The following VHL variants were observed in gnomAD, a reference collection of about 807,000 sequenced individuals.
The protein encoded by VHL is von Hippel-Lindau disease tumor suppressor.
A neutral mutation model predicts 19.2 loss-of-function variants in VHL; 10 were observed. The observed-to-expected ratio is 0.52, with a 90% CI of 0.32 to 0.89. The LOEUF (loss-of-function observed/expected upper bound fraction) is 0.89. Ranked by LOEUF, VHL falls within the 40% of genes least tolerant of loss-of-function variation. The pLI, the probability that VHL is intolerant of heterozygous loss-of-function variation, is 0.03. For synonymous variants in VHL, 167 were observed against 129.5 expected, an observed-to-expected ratio of 1.29 and a Z score of -1.97; for missense variants, 328 against 292.7, an observed-to-expected ratio of 1.12 and a Z score of -0.88.
In VHL at chr3:10,146,378, G is replaced by A. The variant is rs562001515; in HGVS notation, c.341-136G>A. 3.3e-5 allele frequency: 40 copies of A among 1,209,376 alleles called. No individual in the cohort carries two copies. The African/African-American group carries it at 3.6e-4, about 11-fold the overall frequency. 74.9% of individuals were successfully genotyped at this position (1,209,376 alleles called of 1,614,324 possible). A position where few individuals can be genotyped will look rare whatever the true frequency, so the allele number is the denominator to read the frequency against. On this transcript the variant is annotated intron_variant, in intron 1 of 2. Coordinates refer to ENST00000256474, the MANE Select transcript of VHL (RefSeq NM_000551.4). ...TTTAGTAGAGACGAGGTTTCACCAC[G>A]TTAGCCAGGACGGTCTTGATCTCCT...
Position 10,150,459 on chromosome 3 carries a change from C to A in VHL, c.*494C>A. 2.7e-6 allele frequency: 2 copies of A among 746,972 alleles called. No homozygotes were observed. The highest frequency in any genetic ancestry group is 3.6e-6 in the Non-Finnish European group (2 of 563,054). The allele number at this position is 746,972 out of a possible 1,614,324, so 46.3% of individuals were successfully genotyped here. A position where few individuals can be genotyped will look rare whatever the true frequency, so the allele number is the denominator to read the frequency against. On this transcript the variant is annotated 3_prime_UTR_variant, in exon 3 of 3. Transcript: ENST00000256474. Reference sequence around the variant, plus strand: ...CTTTGAGACCCCAGTGCCTGCACATCATGAGCCTTCAGTCAGGGTTTGTCA... The same window carrying A: ...CTTTGAGACCCCAGTGCCTGCACATAATGAGCCTTCAGTCAGGGTTTGTCA...
At chr3:10,145,927 G>C (rs536626854) in intron 1 of VHL, among the ~76,000 whole-genome samples, 32 of 152,132 alleles carry the variant, frequency 2.1e-4, no homozygotes, top group African/African-American at 7.5e-4. Flanking sequence ...TTTCCACCAT[G>C]GTAGCAGAAA....
chr3:10,146,390 G>T, intron 1 of VHL, 124 bp from the exon 2 acceptor site: 1 of 1,299,524 alleles, frequency 7.7e-7, no homozygotes, highest in Non-Finnish European at 1.1e-6. Context: ...TAGCCAGGAC[G>T]GTCTTGATCT....
intron 2 of VHL, among the ~76,000 whole-genome samples, chr3:10,147,132 C>T (rs1489409154): frequency 6.6e-6 from 1 of 151,962 alleles, no homozygotes; most frequent in African/African-American, 2.4e-5. Context: ...TTGTCTCAGC[C>T]TCCCGAGTAG....
At chr3:10,143,106 G>A (rs554804191) in intron 1 of VHL, 1 of 150,818 alleles carries the variant, frequency 6.6e-6, no homozygotes, top group African/African-American at 2.5e-5. Context: ...TAGGAATATG[G>A]GGGCACTGAA....
rs1180066686 is a variant in VHL at position 10,150,291 on chromosome 3, C to T, written c.*326C>T. 15 of 1,275,722 alleles carry T rather than the reference C, an allele frequency of 1.2e-5. No individual in the cohort carries two copies. Among genetic ancestry groups the T allele is most frequent in the African/African-American group, 4.5e-5 (3 of 66,776 alleles). The allele number at this position is 1,275,722 out of a possible 1,614,324, so 79.0% of individuals were successfully genotyped here. ...TAATTCAGTGGGAATTGCAGCATAT[C>T]GTTTAATTTTAAGAAGGCATTGGCA... is the stretch of plus-strand genomic sequence containing the variant. On this transcript the variant is annotated 3_prime_UTR_variant, in exon 3 of 3. Transcript: ENST00000256474.
Position 10,150,675 on chromosome 3 carries a change from C to T in VHL, c.*710C>T, listed in dbSNP as rs1696388506. 4.3e-6 allele frequency: 1 copy of T among 234,172 alleles called. No individual in the cohort carries two copies. Among genetic ancestry groups the T allele is most frequent in the African/African-American group, 2.2e-5 (1 of 45,292 alleles). 14.5% of individuals were successfully genotyped at this position (234,172 alleles called of 1,614,324 possible). On this transcript the variant is annotated 3_prime_UTR_variant, in exon 3 of 3. Coordinates refer to ENST00000256474, the MANE Select transcript of VHL (RefSeq NM_000551.4). The stretch of plus-strand genomic sequence containing the variant: ...TTCTCGGTCCACTCTTGTTGAAGTG[C>T]TGTTTTATTACTGTTTCTAAACTAG...
intron 2 of VHL, among the ~76,000 whole-genome samples, chr3:10,146,838 A>G (rs2125128782): frequency 6.6e-6 from 1 of 152,290 alleles, no homozygotes; most frequent in Non-Finnish European, 1.5e-5. Flanking sequence ...GTGTCTCAAA[A>G]GCACTTTGGG....
chr3:10,152,655 G>C lies in VHL; in HGVS notation c.*2690G>C, dbSNP rs1335525496. Among the ~76,000 whole-genome samples, 2 of 151,146 alleles carry C rather than the reference G, an allele frequency of 1.3e-5. No homozygotes were observed. The highest frequency in any genetic ancestry group is 6.6e-5 in the Admixed American group (1 of 15,170). ...TTACAGGCGCCTGCCACCATGCCTG[G>C]CTAATTTTGTGTTTTTAGTGGAGAC... On this transcript the variant is annotated 3_prime_UTR_variant, in exon 3 of 3. Transcript: ENST00000256474.
chr3:10,141,899 G>T lies in VHL; in HGVS notation c.52G>T (p.Ala18Ser), dbSNP rs1332272921. The T allele has an allele frequency of 6.5e-7, 1 of 1,532,588 alleles. No homozygotes were observed. The allele number at this position is 1,532,588 out of a possible 1,614,324, so 94.9% of individuals were successfully genotyped here. ...CGAGGCCGAGGTAGGCGCGGAGGAG[G>T]CAGGCGTCGAAGAGTACGGCCCTGA... ...WDEAEVGAEE[A>S]GVEEYGPEED... The change falls in exon 1 of 3, where the codon GCA becomes TCA. Residue 18 changes from alanine (A) to serine (S), a missense_variant. Physicochemically the swap from Ala to Ser is moderately conservative, Grantham distance 99. Coordinates refer to ENST00000256474, the MANE Select transcript of VHL (RefSeq NM_000551.4).
chr3:10,149,350 C>A (rs1365923899), intron 2 of VHL, among the ~76,000 whole-genome samples: 1 of 152,020 alleles, frequency 6.6e-6, no homozygotes, highest in Non-Finnish European at 1.5e-5. Flanking sequence ...TGAGCTCAGG[C>A]GATCTACTGA....
chr3:10,142,280 A>G, intron 1 of VHL, 93 bp downstream of exon 1: 1 of 1,450,226 alleles, frequency 6.9e-7, no homozygotes, highest in Non-Finnish European at 9.3e-7. Flanking sequence ...CAGACGGGGA[A>G]CTGAGGCCCC....
chr3:10,142,838 CAG>C lies in VHL; in HGVS notation c.340+653_340+654del, dbSNP rs1420441572. On this transcript the variant is annotated intron_variant, in intron 1 of 2. Coordinates refer to ENST00000256474, the MANE Select transcript of VHL (RefSeq NM_000551.4). ...AACACATTCCTCCTGGGGAGACTGA[CAG>C]ATGCAAAGACAGGAACAAGCCAGGG... 2.6e-5 allele frequency: 4 copies of C among 152,310 alleles called. No homozygotes were observed. The highest frequency in any genetic ancestry group is 5.9e-5 in the Non-Finnish European group (4 of 68,162). 9.4% of individuals were successfully genotyped at this position (152,310 alleles called of 1,614,324 possible).
chr3:10,148,800 C>T (rs1696330448), intron 2 of VHL, among the ~76,000 whole-genome samples: 1 of 151,338 alleles, frequency 6.6e-6, no homozygotes, highest in Admixed American at 6.6e-5. Context: ...CCTGCTTCAG[C>T]AGCTGGGACT....
rs1696110139 is a variant in VHL, at chr3:10,141,816, G to C, written c.-32G>C. Reference sequence around the variant, plus strand: ...GCGTCCGACCCGCGGATCCCGCGGCGTCCGGCCCGGGTGGTCTGGATCGCG... The same window carrying C: ...GCGTCCGACCCGCGGATCCCGCGGCCTCCGGCCCGGGTGGTCTGGATCGCG... On this transcript the variant is annotated 5_prime_UTR_variant, in exon 1 of 3. Transcript: ENST00000256474. 2.0e-6 allele frequency: 3 copies of C among 1,536,092 alleles called. No individual in the cohort carries two copies. Among genetic ancestry groups the C allele is most frequent in the Non-Finnish European group, 2.6e-6 (3 of 1,140,874 alleles).
At chr3:10,148,083 G>T (rs1696307433) in intron 2 of VHL, among the ~76,000 whole-genome samples, 2 of 150,868 alleles carry the variant, frequency 1.3e-5, no homozygotes, top group Admixed American at 6.6e-5. Flanking sequence ...GTGACAGAGT[G>T]AGATCCTGTC....
chr3:10,146,349 T>C (rs1421715942), intron 1 of VHL, among the ~76,000 whole-genome samples, 165 bp from the exon 2 acceptor site: 2 of 152,030 alleles, frequency 1.3e-5, no homozygotes, highest in East Asian at 3.9e-4. Context: ...AATTTTTTTG[T>C]ATTTTTAGTA....
chr3:10,149,176 G>A (rs1696339686), intron 2 of VHL, among the ~76,000 whole-genome samples: 1 of 150,958 alleles, frequency 6.6e-6, no homozygotes, highest in Non-Finnish European at 1.5e-5. Context: ...GCAGTGGCAT[G>A]ATCTTAGCTC....
chr3:10,141,818 C>G lies in VHL; in HGVS notation c.-30C>G, dbSNP rs886057701. The stretch of plus-strand genomic sequence containing the variant: ...GTCCGACCCGCGGATCCCGCGGCGT[C>G]CGGCCCGGGTGGTCTGGATCGCGGA... On this transcript the variant is annotated 5_prime_UTR_variant, in exon 1 of 3. Coordinates refer to ENST00000256474, the MANE Select transcript of VHL (RefSeq NM_000551.4). 6.5e-7 allele frequency: 1 copy of G among 1,536,134 alleles called. No individual in the cohort carries two copies. Among genetic ancestry groups the G allele is most frequent in the Non-Finnish European group, 8.8e-7 (1 of 1,140,954 alleles).
Sources: allele counts gnomAD v4.1 joint callset (sites outside exome capture counted in the v4.1 genomes callset), GRCh38; gene constraint gnomAD v4.1.1; transcripts MANE v1.5; gene names NCBI Gene and HGNC (gene_info 2026-07-23, HGNC 2026-07-21).